The following ANKS1B variants were observed in gnomAD, a reference collection of about 807,000 sequenced individuals.
ANKS1B encodes ankyrin repeat and sterile alpha motif domain-containing protein 1B.
In ANKS1B, 36 loss-of-function variants were observed where a neutral mutation model predicts 148.3. The observed-to-expected ratio is 0.24, with a 90% confidence interval of 0.19 to 0.32. The LOEUF is 0.32. ANKS1B is among the 10% of genes least tolerant of loss of function. The pLI is 1.00. For synonymous variants in ANKS1B, 542 were observed against 560.8 expected (o/e 0.97, Z 0.47); for missense variants, 1,157 against 1,542.6 (o/e 0.75, Z 4.19).
chr12:98,941,630 A>C (rs1317299569), intron 17 of ANKS1B, among the ~76,000 whole-genome samples: 1 of 152,206 alleles, frequency 6.6e-6, no homozygotes, highest in African/African-American at 2.4e-5. Flanking sequence ...ATGAAGATTG[A>C]CTGTATGTCC....
At chr12:99,315,608 T>C (rs2083930483) in intron 12 of ANKS1B, among the ~76,000 whole-genome samples, 1 of 152,170 alleles carries the variant, frequency 6.6e-6, no homozygotes, top group Non-Finnish European at 1.5e-5. Context: ...AATTCATCCT[T>C]TTAAAGTATG....
intron 15 of ANKS1B, among the ~76,000 whole-genome samples, chr12:99,123,640 C>T (rs921377332): frequency 3.9e-5 from 6 of 152,148 alleles, no homozygotes; most frequent in Admixed American, 2.0e-4. Flanking sequence ...GGCCCGAGAG[C>T]CCCTGGCAAA....
At chr12:99,023,851 T>C (rs891542346) in intron 17 of ANKS1B, among the ~76,000 whole-genome samples, 1 of 149,468 alleles carries the variant, frequency 6.7e-6, no homozygotes, top group Non-Finnish European at 1.5e-5. Context: ...TGTGTATATA[T>C]TATAGATAAA....
At chr12:98,871,698 T>C (rs937141118) in intron 17 of ANKS1B, among the ~76,000 whole-genome samples, 1 of 152,246 alleles carries the variant, frequency 6.6e-6, no homozygotes, top group Non-Finnish European at 1.5e-5. Flanking sequence ...AGCTGTTTTT[T>C]TTTAATTAAA....
intron 9 of ANKS1B, among the ~76,000 whole-genome samples, chr12:99,583,785 A>G (rs2097594732): frequency 6.6e-6 from 1 of 152,240 alleles, no homozygotes; most frequent in Non-Finnish European, 1.5e-5. Context: ...TGGTAGGATA[A>G]GCAACAGAAA....
At chr12:98,826,209 T>G (rs1348582835) in intron 19 of ANKS1B, among the ~76,000 whole-genome samples, 2 of 152,194 alleles carry the variant, frequency 1.3e-5, no homozygotes, top group African/African-American at 4.8e-5. Flanking sequence ...TTAAAATAAT[T>G]TGATGCCAGA....
intron 14 of ANKS1B, among the ~76,000 whole-genome samples, chr12:99,177,899 G>A (rs1223261597): frequency 1.3e-5 from 2 of 151,934 alleles, no homozygotes; most frequent in Non-Finnish European, 2.9e-5. Flanking sequence ...AATATTCATG[G>A]TTAACTTCAA....
chr12:99,433,604 G>A (rs1338403891), intron 11 of ANKS1B, among the ~76,000 whole-genome samples: 1 of 152,120 alleles, frequency 6.6e-6, no homozygotes, highest in African/African-American at 2.4e-5. Flanking sequence ...AGCCTGAGCT[G>A]CTATTAACTG....
intron 2 of ANKS1B, among the ~76,000 whole-genome samples, chr12:99,823,023 G>C (rs948648976): frequency 7.9e-5 from 12 of 152,056 alleles, no homozygotes; most frequent in Admixed American, 7.9e-4. Flanking sequence ...GTTTTGATTT[G>C]CATTTCTCTG....
chr12:99,744,404 C>G (rs2060399991), intron 8 of ANKS1B, among the ~76,000 whole-genome samples: 1 of 152,172 alleles, frequency 6.6e-6, no homozygotes, highest in South Asian at 2.1e-4. Flanking sequence ...GTTTCACTTA[C>G]AACTGTAAAC....
At chr12:98,899,099 A>AT (rs2099768714) in intron 17 of ANKS1B, among the ~76,000 whole-genome samples, 1 of 152,174 alleles carries the variant, frequency 6.6e-6, no homozygotes, top group Non-Finnish European at 1.5e-5. Flanking sequence ...GAGGAATAGG[A>AT]TTTTAAGAGT....
At chr12:99,222,840 A>G (rs1362932211) in intron 14 of ANKS1B, among the ~76,000 whole-genome samples, 2 of 152,186 alleles carry the variant, frequency 1.3e-5, no homozygotes, top group Admixed American at 6.5e-5. Context: ...AACACTTCTA[A>G]CACTGGAAAT....
intron 9 of ANKS1B, among the ~76,000 whole-genome samples, chr12:99,510,095 G>A (rs1466734798): frequency 6.6e-6 from 1 of 151,924 alleles, no homozygotes; most frequent in East Asian, 1.9e-4. Context: ...CTATTCACAA[G>A]AAAAGATTCC....
intron 17 of ANKS1B, among the ~76,000 whole-genome samples, chr12:99,041,742 T>G (rs1445031738): frequency 6.6e-6 from 1 of 152,202 alleles, no homozygotes; most frequent in Non-Finnish European, 1.5e-5. Flanking sequence ...GACTCATGCC[T>G]GTAATCCCAG....
intron 9 of ANKS1B, among the ~76,000 whole-genome samples, chr12:99,614,747 T>A (rs1035962728): frequency 2.0e-5 from 3 of 152,108 alleles, no homozygotes; most frequent in African/African-American, 7.2e-5. Flanking sequence ...TCAGTGACTC[T>A]GTTCATGCTT....
intron 8 of ANKS1B, among the ~76,000 whole-genome samples, chr12:99,766,699 T>C (rs1157046306): frequency 6.6e-6 from 1 of 152,166 alleles, no homozygotes; most frequent in Non-Finnish European, 1.5e-5. Context: ...CAGGTTAGAA[T>C]GTTCTTTTGA....
At chr12:99,676,224 G>T (rs1403825959) in intron 8 of ANKS1B, among the ~76,000 whole-genome samples, 3 of 152,116 alleles carry the variant, frequency 2.0e-5, no homozygotes, top group Non-Finnish European at 4.4e-5. Context: ...GGAACTGTGA[G>T]TCAATTAAAC....
chr12:99,087,048 C>T (rs922241484), intron 15 of ANKS1B, among the ~76,000 whole-genome samples: 4 of 152,194 alleles, frequency 2.6e-5, no homozygotes, highest in South Asian at 2.1e-4. Flanking sequence ...GGAAGTTTGA[C>T]GTGGAGATTG....
intron 14 of ANKS1B, among the ~76,000 whole-genome samples, chr12:99,159,170 T>C (rs917880267): frequency 6.6e-6 from 1 of 152,112 alleles, no homozygotes; most frequent in Admixed American, 6.6e-5. Flanking sequence ...GGAGAGTCAG[T>C]TTATAAGAAC....
Sources: allele counts gnomAD v4.1 joint callset (sites outside exome capture counted in the v4.1 genomes callset), GRCh38; gene constraint gnomAD v4.1.1; transcripts MANE v1.5; gene names NCBI Gene and HGNC (gene_info 2026-07-23, HGNC 2026-07-21).